The following TRRAP variants were observed in gnomAD, a reference collection of about 807,000 sequenced individuals.
TRRAP encodes transformation/transcription domain-associated protein.
In TRRAP, 41 loss-of-function variants were observed where a neutral mutation model predicts 438.8. The ratio of observed to expected loss-of-function variants is 0.09; its 90% CI spans 0.07 to 0.12. TRRAP has a LOEUF of 0.12. TRRAP is among the 10% of genes least tolerant of loss of function. TRRAP has a pLI of 1.00. For synonymous variants in TRRAP, 1,994 were observed against 1,962.9 expected, an observed-to-expected ratio of 1.02 and a Z score of -0.42; for missense variants, 3,122 against 5,055.1, an observed-to-expected ratio of 0.62 and a Z score of 11.60.
intron 52 of TRRAP, among the ~76,000 whole-genome samples, 190 bp downstream of exon 52, chr7:98,970,481 A>G (rs1792365596): frequency 6.6e-6 from 1 of 152,244 alleles, no homozygotes; most frequent in Admixed American, 6.5e-5. Context: ...CACGGGCAGA[A>G]TCCTTGGTCC....
chr7:99,011,618 A>G lies in TRRAP; in HGVS notation c.11337+83A>G. The G allele has an allele frequency of 2.7e-6, 4 of 1,496,574 alleles. No homozygotes were observed. The highest frequency in any genetic ancestry group is 1.3e-5 in the South Asian group (1 of 76,710). 92.7% of individuals were successfully genotyped at this position (1,496,574 alleles called of 1,614,324 possible). On this transcript the variant is annotated intron_variant, in intron 72 of 72. Coordinates refer to ENST00000456197, the MANE Select transcript of TRRAP (RefSeq NM_001375524.1). The surrounding 1 kb of genome is among the most constrained non-coding windows in gnomAD (Gnocchi z 7.1). Reference sequence around the variant, plus strand: ...CGTCACGGCCTTGCAGGAGCTGCTGATGTGCCTCACGGGCTCTGCGCTCTC... The same window carrying G: ...CGTCACGGCCTTGCAGGAGCTGCTGGTGTGCCTCACGGGCTCTGCGCTCTC...
intron 16 of TRRAP, among the ~76,000 whole-genome samples, chr7:98,910,821 A>G (rs1043244288): frequency 6.6e-6 from 1 of 152,192 alleles, no homozygotes; most frequent in Non-Finnish European, 1.5e-5. Flanking sequence ...CAGATAGTGT[A>G]AACGGAATGC....
In TRRAP at chr7:98,930,080, T is replaced by G; in HGVS notation, c.3267T>G (p.Pro1089=). 6.2e-7 allele frequency: 1 copy of G among 1,614,152 alleles called. No individual in the cohort carries two copies. The highest frequency in any genetic ancestry group is 8.5e-7 in the Non-Finnish European group (1 of 1,180,024). ...AAAATGGCTCGAAAGGAATGGATCC[T>G]TTGGTTCTCATTGATGCAATTGCTA... ...SEENGSKGMD[P]LVLIDAIAIC... The change falls in exon 24 of 73, where the codon CCT becomes CCG. Residue 1089 remains proline, a synonymous_variant. Transcript: ENST00000456197.
intron 22 of TRRAP, 87 bp from the exon 23 acceptor site, chr7:98,927,080 C>G: frequency 2.8e-6 from 4 of 1,415,884 alleles, no homozygotes; most frequent in Non-Finnish European, 3.9e-6. Context: ...GGGAAGCAAG[C>G]AGATTAAAAA....
chr7:98,886,923 G>A (rs782508331), intron 3 of TRRAP, among the ~76,000 whole-genome samples: 3 of 152,084 alleles, frequency 2.0e-5, no homozygotes, highest in Non-Finnish European at 4.4e-5. Flanking sequence ...TTTTTTTAGA[G>A]ACAACGTCTT....
At chr7:98,903,849 C>T (rs141881903) in intron 12 of TRRAP, among the ~76,000 whole-genome samples, 229 of 152,206 alleles carry the variant, frequency 1.5e-3, no homozygotes, top group African/African-American at 4.1e-3. Context: ...GATGGTGGCC[C>T]GCAAAGAGAG....
At chr7:98,934,753 C>T (rs1402245061) in intron 27 of TRRAP, among the ~76,000 whole-genome samples, 7 of 152,162 alleles carry the variant, frequency 4.6e-5, no homozygotes, top group African/African-American at 1.7e-4. Context: ...TGACTTCTCT[C>T]TCTCCATACC....
chr7:98,947,387 C>G (rs1791132225), intron 33 of TRRAP, among the ~76,000 whole-genome samples: 1 of 151,968 alleles, frequency 6.6e-6, no homozygotes, highest in Admixed American at 6.6e-5. Flanking sequence ...TATTTAATTT[C>G]CAGGGTAAAT....
At chr7:98,971,677 C>G in intron 52 of TRRAP, 122 bp from the exon 53 acceptor site, 2 of 1,162,336 alleles carry the variant, frequency 1.7e-6, no homozygotes, top group Non-Finnish European at 2.4e-6. Context: ...AATACTTACA[C>G]ACTTCCAGGA....
chr7:98,939,611 C>T (rs150768922), intron 30 of TRRAP, among the ~76,000 whole-genome samples: 37 of 152,350 alleles, frequency 2.4e-4, no homozygotes, highest in African/African-American at 7.7e-4. Flanking sequence ...TACACATACA[C>T]ACCTATCAGT....
At chr7:98,993,495 G>T (rs1793520398) in intron 65 of TRRAP, 43 bp from the exon 66 acceptor site, 2 of 1,597,074 alleles carry the variant, frequency 1.3e-6, no homozygotes, top group Admixed American at 1.7e-5. Flanking sequence ...CCTGGCGTCT[G>T]TCGGTTTTGC....
Position 98,930,177 on chromosome 7 carries a change from G to A in TRRAP, c.3364G>A (p.Ala1122Thr). The change falls in exon 24 of 73, where the codon GCA becomes ACA. Residue 1122 changes from alanine to threonine, a missense_variant. This residue lies in a region of TRRAP where 153 missense variants were observed against 223.0 expected (regional missense o/e 0.69). Transcript: ENST00000456197. ...EVALAVIFDVASIILGSKERA... is the reference protein window; with the variant it reads ...EVALAVIFDVTSIILGSKERA... ...GGCCCTAGCTGTGATATTTGATGTT[G>A]CAAGTATCATCCTGGGCTCCAAGGA... 1 of 1,614,180 alleles carries A rather than the reference G, an allele frequency of 6.2e-7. No individual in the cohort carries two copies. Among genetic ancestry groups the A allele is most frequent in the Non-Finnish European group, 8.5e-7 (1 of 1,180,024 alleles).
rs1279426368 is a variant in TRRAP, at chr7:98,893,219, G to C, written c.367-579G>C. 2.6e-5 allele frequency among the ~76,000 whole-genome samples: 4 copies of C among 152,290 alleles called. No homozygotes were observed. The South Asian group carries it at 6.2e-4, about 24-fold the overall frequency. ...CCCGCTTTGGCCTCCCAAAGTGCTC[G>C]GATTACAGGCGTGAGCCACCTCGCC... On this transcript the variant is annotated intron_variant, in intron 5 of 72. Coordinates refer to ENST00000456197, the MANE Select transcript of TRRAP (RefSeq NM_001375524.1).
chr7:98,879,815 CGGAA>C (rs1171622035), intron 1 of TRRAP, among the ~76,000 whole-genome samples: 8 of 152,076 alleles, frequency 5.3e-5, no homozygotes, highest in Non-Finnish European at 1.2e-4. Context: ...AGAGAGTGGC[CGGAA>C]GGAGCTCTCT....
At chr7:98,975,804 G>C (rs1200121585) in intron 53 of TRRAP, among the ~76,000 whole-genome samples, 1 of 152,228 alleles carries the variant, frequency 6.6e-6, no homozygotes, top group Non-Finnish European at 1.5e-5. Flanking sequence ...GGTGACATCT[G>C]TGTCCTTCTA....
At chr7:98,901,557 AC>A (rs1463455632) in intron 11 of TRRAP, among the ~76,000 whole-genome samples, 1 of 152,124 alleles carries the variant, frequency 6.6e-6, no homozygotes, top group Admixed American at 6.5e-5. Context: ...TTATTTACTT[AC>A]TATTTTTTGA....
intron 18 of TRRAP, among the ~76,000 whole-genome samples, chr7:98,912,772 C>T (rs540406175): frequency 1.7e-4 from 26 of 152,206 alleles, no homozygotes; most frequent in African/African-American, 6.3e-4. Flanking sequence ...CCGATTGTTA[C>T]CAAGCAGTGG....
chr7:98,981,159 T>C (rs1388241688), intron 58 of TRRAP, among the ~76,000 whole-genome samples: 1 of 152,162 alleles, frequency 6.6e-6, no homozygotes, highest in Admixed American at 6.5e-5. Flanking sequence ...CCCAGCACTT[T>C]GGGAGGCTGA....
At chr7:98,886,325 G>T (rs782646608) in intron 3 of TRRAP, among the ~76,000 whole-genome samples, 17 of 150,386 alleles carry the variant, frequency 1.1e-4, no homozygotes, top group Non-Finnish European at 2.1e-4. Flanking sequence ...TATATAGATA[G>T]AGATAGATAT....
Sources: gnomAD v4.1 joint callset for allele counts (sites outside exome capture counted in the v4.1 genomes callset) on GRCh38, gnomAD v4.1.1 for gene constraint, gnomAD v4.1.1 regional missense constraint, Gnocchi (gnomAD v3.1) non-coding constraint, MANE v1.5 for transcripts, NCBI Gene and HGNC (gene_info 2026-07-23, HGNC 2026-07-21) for gene names.